The following ATP13A4 variants were observed in gnomAD, a reference collection of about 807,000 sequenced individuals.
The protein encoded by ATP13A4 is probable cation-transporting ATPase 13A4.
In ATP13A4, 114 loss-of-function variants were observed where a neutral mutation model predicts 142.5. That is an observed-to-expected ratio of 0.80 (90% CI 0.69 to 0.93). The LOEUF (loss-of-function observed/expected upper bound fraction) is 0.93, where lower values mean the gene tolerates loss of function less well. Among genes scored for constraint, ATP13A4 ranks in the 40% least tolerant of loss-of-function variants. The pLI, the probability that ATP13A4 is intolerant of heterozygous loss-of-function variation, is 0.00. For synonymous variants in ATP13A4, 488 were observed against 514.8 expected (o/e 0.95, Z 0.70); for missense variants, 1,392 against 1,454.0 (o/e 0.96, Z 0.69).
In ATP13A4 at chr3:193,592,262, G is replaced by A. The variant is rs1012209235; in HGVS notation, n.91+759C>T. ...CGTTCACAGGCCACATCCCTTTTAC[G>A]GGCCCTGGTTTCCTTACAAAACATA... On this transcript the variant is annotated intron_variant and non_coding_transcript_variant, in intron 1 of 3. Transcript: ENST00000489140. 2.0e-5 allele frequency among the ~76,000 whole-genome samples: 3 copies of A among 151,958 alleles called. 1 individual carries two copies. Among genetic ancestry groups the A allele is most frequent in the African/African-American group, 7.3e-5 (3 of 41,350 alleles).
chr3:193,522,130 G>C (rs1267758428), intron 1 of ATP13A4, among the ~76,000 whole-genome samples: 2 of 152,162 alleles, frequency 1.3e-5, no homozygotes, highest in Non-Finnish European at 2.9e-5. Flanking sequence ...AAACAGATGT[G>C]TTTGGGGCTT....
intron 29 of ATP13A4, 34 bp downstream of exon 29, chr3:193,407,279 C>T (rs1423918883): frequency 6.4e-7 from 1 of 1,565,928 alleles, no homozygotes; most frequent in East Asian, 2.3e-5. Context: ...CGTGCACACA[C>T]ACAAGATCAG....
In ATP13A4 at chr3:193,486,235, G is replaced by A. The variant is rs1049136043; in HGVS notation, c.739-2230C>T. On this transcript the variant is annotated intron_variant, in intron 7 of 29. Transcript: ENST00000342695. ...AACTAAAAAGTTTGTGAACCTCCAG[G>A]GAAAGCTTTAAAGTCTGCGATGAGA... is the stretch of plus-strand genomic sequence containing the variant. Among the ~76,000 whole-genome samples, 9 of 152,066 alleles carry A rather than the reference G, an allele frequency of 5.9e-5. No homozygotes were observed. The South Asian group carries it at 1.7e-3, about 28-fold the overall frequency.
At position 193,543,392 on chromosome 3, in the gene ATP13A4, G is replaced by A. The variant is rs1020261699; in HGVS notation, c.60+11348C>T. On this transcript the variant is annotated intron_variant, in intron 1 of 29. Transcript: ENST00000342695. Reference sequence around the variant, plus strand: ...AATGTCTGCAGTCTATCTGACAGAGGTCTAATATCCAGAAACTATAAGGAA... The same window carrying A: ...AATGTCTGCAGTCTATCTGACAGAGATCTAATATCCAGAAACTATAAGGAA... 2.6e-5 allele frequency among the ~76,000 whole-genome samples: 4 copies of A among 152,116 alleles called. No individual in the cohort carries two copies. The East Asian group carries it at 7.7e-4, about 29-fold the overall frequency.
chr3:193,554,364 T>G (rs1723770494), intron 1 of ATP13A4: 1 of 323,298 alleles, frequency 3.1e-6, no homozygotes, highest in African/African-American at 2.1e-5. Context: ...TATCAGGGAA[T>G]ACACTGCTCC....
chr3:193,467,562 A>G, intron 9 of ATP13A4, 76 bp from the exon 10 acceptor site: 1 of 1,463,048 alleles, frequency 6.8e-7, no homozygotes, highest in African/African-American at 1.4e-5. Flanking sequence ...CCCACTCATC[A>G]TACAACAGAC....
At chr3:193,552,580 C>T (rs1723643178) in intron 1 of ATP13A4, among the ~76,000 whole-genome samples, 1 of 152,136 alleles carries the variant, frequency 6.6e-6, no homozygotes, top group African/African-American at 2.4e-5. Flanking sequence ...AGAACAGATG[C>T]TGGGGAATCT....
At chr3:193,508,408 C>T (rs1158300725) in intron 2 of ATP13A4, among the ~76,000 whole-genome samples, 2 of 152,118 alleles carry the variant, frequency 1.3e-5, no homozygotes, top group Admixed American at 1.3e-4. Flanking sequence ...ATAATTAGAT[C>T]TCTAGTTCCA....
chr3:193,401,817 A>T lies in ATP13A4; in HGVS notation c.*835T>A, dbSNP rs958117289. 6.6e-6 allele frequency among the ~76,000 whole-genome samples: 1 copy of T among 152,210 alleles called. No individual in the cohort carries two copies. Among genetic ancestry groups the T allele is most frequent in the Non-Finnish European group, 1.5e-5 (1 of 68,044 alleles). On this transcript the variant is annotated 3_prime_UTR_variant, in exon 30 of 30. Coordinates refer to ENST00000342695, the MANE Select transcript of ATP13A4 (RefSeq NM_032279.4). The stretch of plus-strand genomic sequence containing the variant: ...CCCATGAAGCATCCCTAAACACAGG[A>T]GACTGCACTTTCCAGCTCCCTGGCC...
At chr3:193,437,638 T>A (rs1268349762) in intron 23 of ATP13A4, among the ~76,000 whole-genome samples, 1 of 152,144 alleles carries the variant, frequency 6.6e-6, no homozygotes, top group Non-Finnish European at 1.5e-5. Context: ...CAGGCTGTTT[T>A]GAAGTGTGAG....
intron 1 of ATP13A4, among the ~76,000 whole-genome samples, chr3:193,537,780 A>T (rs975964565): frequency 2.0e-5 from 3 of 152,190 alleles, no homozygotes; most frequent in African/African-American, 7.2e-5. Context: ...AAAAAGGAAC[A>T]AACTATCGAT....
In ATP13A4 at chr3:193,423,097, C is replaced by T. The variant is rs112605429; in HGVS notation, c.2843-8347G>A. 3.3e-5 allele frequency among the ~76,000 whole-genome samples: 5 copies of T among 149,658 alleles called. 1 individual carries two copies. Among genetic ancestry groups the T allele is most frequent in the African/African-American group, 1.2e-4 (5 of 40,934 alleles). ...ACTATTATGAACAACTGTATGCCAACAAATTAGAAAATCTAGAATAAATGG... is the reference window on the plus strand; with the variant it reads ...ACTATTATGAACAACTGTATGCCAATAAATTAGAAAATCTAGAATAAATGG... On this transcript the variant is annotated intron_variant, in intron 25 of 29. Coordinates refer to ENST00000342695, the MANE Select transcript of ATP13A4 (RefSeq NM_032279.4).
chr3:193,576,364 C>T (rs896966533), intron 2 of ATP13A4, among the ~76,000 whole-genome samples: 2 of 145,450 alleles, frequency 1.4e-5, no homozygotes, highest in Non-Finnish European at 3.0e-5. Flanking sequence ...CTCCGCTTCC[C>T]GGGTTCACGC....
chr3:193,483,619 C>T (rs546618433), intron 8 of ATP13A4, among the ~76,000 whole-genome samples: 3 of 152,134 alleles, frequency 2.0e-5, no homozygotes, highest in Non-Finnish European at 4.4e-5. Flanking sequence ...CGCTCGCCAC[C>T]ACGCCCGGCT....
intron 2 of ATP13A4, among the ~76,000 whole-genome samples, chr3:193,566,092 C>T (rs1223374961): frequency 6.6e-6 from 1 of 152,134 alleles, no homozygotes; most frequent in Non-Finnish European, 1.5e-5. Context: ...CGAACCTGTG[C>T]GGCTACTGCC....
Position 193,553,191 on chromosome 3 carries a change from C to T in ATP13A4, c.60+1549G>A, listed in dbSNP as rs112401055. The T allele has an allele frequency of 7.9e-5, 12 of 152,306 alleles. 1 individual carries two copies. Among genetic ancestry groups the T allele is most frequent in the African/African-American group, 2.4e-4 (10 of 41,558 alleles). 9.4% of individuals were successfully genotyped at this position (152,306 alleles called of 1,614,324 possible). ...TCCTAACTGGGCTTTCAGCTGCATA[C>T]AAAACTACGTGGAGTTCTCCATGCA... On this transcript the variant is annotated intron_variant, in intron 1 of 29. Transcript: ENST00000342695.
At chr3:193,564,900 C>A (rs955070683) in intron 2 of ATP13A4, among the ~76,000 whole-genome samples, 11 of 152,116 alleles carry the variant, frequency 7.2e-5, no homozygotes, top group Non-Finnish European at 1.2e-4. Flanking sequence ...GGAGCACAAA[C>A]CCTACTGTGA....
intron 1 of ATP13A4, among the ~76,000 whole-genome samples, chr3:193,546,682 T>A (rs1723246905): frequency 6.6e-6 from 1 of 152,210 alleles, no homozygotes; most frequent in African/African-American, 2.4e-5. Flanking sequence ...TAATGTTTTT[T>A]CTACCATCAG....
chr3:193,435,540 G>A, intron 24 of ATP13A4, 108 bp downstream of exon 24: 3 of 906,752 alleles, frequency 3.3e-6, no homozygotes. Flanking sequence ...GGCTGTTGTT[G>A]TTCAGATATC....
Sources: allele counts gnomAD v4.1 joint callset (sites outside exome capture counted in the v4.1 genomes callset), GRCh38; gene constraint gnomAD v4.1.1; transcripts MANE v1.5; gene names NCBI Gene and HGNC (gene_info 2026-07-23, HGNC 2026-07-21).